KDM5C: variants seen among roughly 807,000 people sequenced by gnomAD.
The protein encoded by KDM5C is lysine demethylase 5C.
A neutral mutation model predicts 110.6 loss-of-function variants in KDM5C; 16 were observed. The observed-to-expected ratio is 0.14, with a 90% CI of 0.10 to 0.22. The LOEUF (loss-of-function observed/expected upper bound fraction) is 0.22, where lower values mean the gene tolerates loss of function less well. Ranked by LOEUF, KDM5C falls within the 10% of genes least tolerant of loss-of-function variation. The probability of loss-of-function intolerance (pLI) is 1.00; values close to 1 mark genes in which losing one functional copy is unlikely to be tolerated. For missense variants in KDM5C, 681 were observed against 1,300.9 expected, an observed-to-expected ratio of 0.52 and a Z score of 7.33; for synonymous variants, 511 against 520.4, an observed-to-expected ratio of 0.98 and a Z score of 0.24.
intron 25 of KDM5C, among the ~76,000 whole-genome samples, chrX:53,182,810 T>C (rs961724359): frequency 2.7e-5 from 3 of 112,658 alleles, no homozygotes; most frequent in African/African-American, 6.4e-5. Context: ...TTTCACTTTC[T>C]TGATGTCCTT....
chrX:53,219,494 T>G (rs1211266494), intron 2 of KDM5C, among the ~76,000 whole-genome samples: 1 of 112,005 alleles, frequency 8.9e-6, no homozygotes, highest in Non-Finnish European at 1.9e-5. Flanking sequence ...AAACAAGATA[T>G]GTATGATGCT....
intron 1 of KDM5C, chrX:53,221,769 T>C: frequency 1.0e-6 from 1 of 973,820 alleles, no homozygotes; most frequent in Non-Finnish European, 1.3e-6. Flanking sequence ...CCCCAGGGGG[T>C]GGGGGTAAGT....
intron 19 of KDM5C, 85 bp downstream of exon 19, chrX:53,196,601 C>A: frequency 1.3e-6 from 1 of 782,284 alleles, no homozygotes; most frequent in African/African-American, 2.0e-5. Context: ...ATACCTAAGG[C>A]CACCCATGGG....
Position 53,224,934 on chromosome X carries a change from C to T in KDM5C, c.-45G>A. 8.6e-7 allele frequency: 1 copy of T among 1,160,141 alleles called. No homozygotes were observed. Among genetic ancestry groups the T allele is most frequent in the Non-Finnish European group, 1.2e-6 (1 of 865,555 alleles). On this transcript the variant is annotated 5_prime_UTR_variant, in exon 1 of 26. Transcript: ENST00000375401. The stretch of plus-strand genomic sequence containing the variant: ...CCAGGGATCGGGAGGCTTGGACCGC[C>T]CTTAAGGACTCATGGCGCCGCCGCT...
At position 53,197,770 on chromosome X, in the gene KDM5C, C is replaced by T; in HGVS notation, c.2622+1G>A. 1 of 1,198,352 alleles carries T rather than the reference C, an allele frequency of 8.3e-7. No homozygotes were observed. The highest frequency in any genetic ancestry group is 1.1e-6 in the Non-Finnish European group (1 of 886,910). On this transcript the variant is annotated splice_donor_variant, in intron 18 of 25. Coordinates refer to ENST00000375401, the MANE Select transcript of KDM5C (RefSeq NM_004187.5). LOFTEE classifies it high-confidence loss of function. ...CTCATCAGCACTCCAAGCGTCCTCA[C>T]CTTGACATCCCCAATCTGGTGCATG...
intron 12 of KDM5C, chrX:53,202,455 G>A (rs1317187609): frequency 1.6e-5 from 2 of 122,935 alleles, no homozygotes; most frequent in Admixed American, 8.1e-5. Flanking sequence ...TCTAGACTAT[G>A]TTAAAAACAG....
chrX:53,180,874 A>G (rs1005099715), intron 25 of KDM5C, among the ~76,000 whole-genome samples: 2 of 107,095 alleles, frequency 1.9e-5, no homozygotes, highest in Admixed American at 1.0e-4. Flanking sequence ...GACTACAGGC[A>G]CCCGCCACCA....
chrX:53,193,063 C>T lies in KDM5C; in HGVS notation c.4587G>A (p.Ala1529=), dbSNP rs372882867. ...CCGAGGGGCCTGAAGTGGTCCCTTC[C>T]GCCGGTTCCAAGCCATTCTGGTTCT... ...TQENQNGLEP[A]EGTTSGPSAP... Residue 1529 remains alanine, a synonymous_variant, in exon 26 of 26, where the codon GCG becomes GCA. Coordinates refer to ENST00000375401, the MANE Select transcript of KDM5C (RefSeq NM_004187.5). 48 of 1,204,880 alleles carry T rather than the reference C, an allele frequency of 4.0e-5. No individual in the cohort carries two copies. The Admixed American group carries it at 6.4e-4, about 16-fold the overall frequency.
rs782236167 is a variant in KDM5C at position 53,198,941 on chromosome X, T to C, written c.2243+36A>G. 100 of 1,210,501 alleles carry C rather than the reference T, an allele frequency of 8.3e-5. 1 individual carries two copies. In the Admixed American group the frequency reaches 1.7e-3, roughly 20 times the overall value. ...GTCTGGCCCAGCTCTCCATCCTCCT[T>C]CTTGCCCCACTTCCTCCAGAAAGGC... On this transcript the variant is annotated intron_variant, in intron 15 of 25. Transcript: ENST00000375401.
At chrX:53,189,679 A>G (rs1280345238), downstream of KDM5C, among the ~76,000 whole-genome samples, 1 of 112,630 alleles carries the variant, frequency 8.9e-6, no homozygotes, top group Non-Finnish European at 1.9e-5. Context: ...AATGCAAAGG[A>G]AACAGAGTCA....
At chrX:53,205,645 C>A (rs1203926036) in intron 12 of KDM5C, among the ~76,000 whole-genome samples, 1 of 112,052 alleles carries the variant, frequency 8.9e-6, no homozygotes, top group Non-Finnish European at 1.9e-5. Flanking sequence ...TTCCTGATAA[C>A]CCCCGCTTCC....
rs782089393 is a variant in KDM5C at position 53,216,093 on chromosome X, G to A, written c.762C>T (p.Asp254=). Residue 254 remains aspartate, a synonymous_variant, in exon 6 of 26, where the codon GAC becomes GAT. Coordinates refer to ENST00000375401, the MANE Select transcript of KDM5C (RefSeq NM_004187.5). Reference sequence around the variant, plus strand: ...CCTTACCTTTCTTCCGCAGAGTCTTGTCTTTGGCCATGAGGCCCAGGCCCA... The same window carrying A: ...CCTTACCTTTCTTCCGCAGAGTCTTATCTTTGGCCATGAGGCCCAGGCCCA... ...KMMGLGLMAK[D]KTLRKKDKEG... is the part of the protein sequence containing the mutation. 5 of 1,211,436 alleles carry A rather than the reference G, an allele frequency of 4.1e-6. No homozygotes were observed. The Admixed American group carries it at 8.7e-5, about 21-fold the overall frequency.
chrX:53,189,257 G>C (rs1404974583), downstream of KDM5C, among the ~76,000 whole-genome samples: 1 of 112,253 alleles, frequency 8.9e-6, no homozygotes, highest in Admixed American at 9.4e-5. Context: ...AGCTCCCACT[G>C]TGAACTATTT....
intron 2 of KDM5C, 76 bp downstream of exon 2, chrX:53,220,763 G>T: frequency 1.2e-6 from 1 of 859,556 alleles, no homozygotes; most frequent in Non-Finnish European, 1.7e-6. Context: ...CTCAGCCAGA[G>T]AAACTATAAG....
In KDM5C at chrX:53,196,851, G is replaced by C. The variant is rs782293638; in HGVS notation, c.2816C>G (p.Ala939Gly). ...CAAGGTGCCCCTTCGGGCTGAGGGG[G>C]CCAGTGTGCGTTTCACCTCATCCAG... Reference protein sequence around the residue: ...RWLDEVKRTLAPSARRGTLAV... With the variant: ...RWLDEVKRTLGPSARRGTLAV... The change falls in exon 19 of 26, where the codon GCC becomes GGC. Residue 939 changes from alanine (A) to glycine (G), a missense_variant. Transcript: ENST00000375401. 8.3e-6 allele frequency: 10 copies of C among 1,207,372 alleles called. No individual in the cohort carries two copies. In the Admixed American group the frequency reaches 2.2e-4, roughly 26 times the overall value.
Position 53,223,140 on chromosome X carries a change from C to T in KDM5C, c.150+1600G>A, listed in dbSNP as rs2073941120. ...CTGATGCCCCAAAGCAGGGTAACAA[C>T]ACCTACACAAGGCCAGCCTGCCTAA... is the stretch of plus-strand genomic sequence containing the variant. On this transcript the variant is annotated intron_variant, in intron 1 of 25. Coordinates refer to ENST00000375401, the MANE Select transcript of KDM5C (RefSeq NM_004187.5). Among the ~76,000 whole-genome samples the T allele has an allele frequency of 2.7e-5, 3 of 111,942 alleles. No individual in the cohort carries two copies. The South Asian group carries it at 1.1e-3, about 42-fold the overall frequency.
At chrX:53,183,793 T>C (rs372455270) in intron 25 of KDM5C, among the ~76,000 whole-genome samples, 2 of 110,929 alleles carry the variant, frequency 1.8e-5, no homozygotes, top group Non-Finnish European at 3.8e-5. Context: ...CAGGCTGGCC[T>C]CGAACTCCTG....
downstream of KDM5C, among the ~76,000 whole-genome samples, chrX:53,190,110 C>T (rs1934358277): frequency 8.9e-6 from 1 of 112,350 alleles, no homozygotes; most frequent in South Asian, 3.7e-4. Context: ...CTCATTCTCC[C>T]CAGCCCCTTA....
downstream of KDM5C, among the ~76,000 whole-genome samples, chrX:53,188,799 TCTTA>T (rs782743517): frequency 1.7e-4 from 19 of 112,043 alleles, no homozygotes; most frequent in African/African-American, 2.9e-4. Context: ...CTCTAGCTCA[TCTTA>T]CTTGTTTGCT....
Sources: allele counts gnomAD v4.1 joint callset (sites outside exome capture counted in the v4.1 genomes callset), GRCh38; gene constraint gnomAD v4.1.1; transcripts MANE v1.5; gene names NCBI Gene and HGNC (gene_info 2026-07-23, HGNC 2026-07-21).